The following MACROD2 variants were observed in gnomAD, a reference collection of about 807,000 sequenced individuals.
MACROD2 encodes the protein mono-ADP ribosylhydrolase 2.
Under a neutral mutation model 70.4 loss-of-function variants are expected in MACROD2, and 36 were observed. The observed-to-expected ratio is 0.51, with a 90% CI of 0.39 to 0.68. The LOEUF (loss-of-function observed/expected upper bound fraction) is 0.68. Ranked by LOEUF, MACROD2 falls within the 30% of genes least tolerant of loss-of-function variation. The pLI is 0.00. For synonymous variants in MACROD2, 172 were observed against 178.8 expected (o/e 0.96, Z 0.30); for missense variants, 496 against 538.4 (o/e 0.92, Z 0.78).
At chr20:14,963,595 T>C (rs947905207) in intron 5 of MACROD2, among the ~76,000 whole-genome samples, 1 of 152,034 alleles carries the variant, frequency 6.6e-6, no homozygotes, top group East Asian at 1.9e-4. Flanking sequence ...TCCCTGCCGG[T>C]GGTGGGTTTT....
chr20:14,433,377 G>A (rs951259393), intron 3 of MACROD2, among the ~76,000 whole-genome samples: 3 of 152,098 alleles, frequency 2.0e-5, no homozygotes, highest in Non-Finnish European at 4.4e-5. Context: ...AGAAATGCAA[G>A]CCTTTTTATT....
At chr20:15,569,344 T>C (rs1335866043) in intron 8 of MACROD2, among the ~76,000 whole-genome samples, 2 of 152,244 alleles carry the variant, frequency 1.3e-5, no homozygotes, top group Non-Finnish European at 2.9e-5. Context: ...ATATAAATGC[T>C]GTGGAAGGAC....
chr20:15,213,341 T>G (rs2076780304), intron 5 of MACROD2, among the ~76,000 whole-genome samples: 1 of 152,128 alleles, frequency 6.6e-6, no homozygotes, highest in Non-Finnish European at 1.5e-5. Context: ...CTGTTATATT[T>G]TCTTCTTTGG....
chr20:14,345,736 T>C (rs1032598413), intron 3 of MACROD2, among the ~76,000 whole-genome samples: 1 of 151,916 alleles, frequency 6.6e-6, no homozygotes, highest in Non-Finnish European at 1.5e-5. Context: ...GGCCTGAAGA[T>C]GATTTTTCTA....
At chr20:14,202,904 C>G (rs952900508) in intron 3 of MACROD2, among the ~76,000 whole-genome samples, 1 of 152,052 alleles carries the variant, frequency 6.6e-6, no homozygotes, top group Admixed American at 6.6e-5. Flanking sequence ...CAAAATTACC[C>G]GGATGTGGTG....
intron 4 of MACROD2, among the ~76,000 whole-genome samples, chr20:14,605,235 C>T (rs1171963978): frequency 6.6e-6 from 1 of 152,124 alleles, no homozygotes; most frequent in Admixed American, 6.6e-5. Context: ...GAGTCTGAAA[C>T]CAAGGTGTTG....
chr20:15,474,742 G>A (rs34635759), intron 7 of MACROD2, among the ~76,000 whole-genome samples: 7 of 152,274 alleles, frequency 4.6e-5, no homozygotes, highest in African/African-American at 2.4e-5. Flanking sequence ...AAAGTAGTTC[G>A]TTCTTAGGGG....
intron 3 of MACROD2, among the ~76,000 whole-genome samples, chr20:14,444,239 A>T (rs1306606737): frequency 4.6e-5 from 7 of 152,192 alleles, no homozygotes; most frequent in African/African-American, 1.4e-4. Context: ...TGTCAGGGAG[A>T]ATTATAAAAT....
At chr20:15,364,796 G>A (rs1160746314) in intron 6 of MACROD2, among the ~76,000 whole-genome samples, 1 of 152,210 alleles carries the variant, frequency 6.6e-6, no homozygotes, top group Non-Finnish European at 1.5e-5. Flanking sequence ...CCCCTACTGG[G>A]ATCCTTCTAT....
chr20:14,063,150 T>TG (rs2053709226), intron 2 of MACROD2, among the ~76,000 whole-genome samples: 1 of 152,192 alleles, frequency 6.6e-6, no homozygotes, highest in Admixed American at 6.5e-5. Flanking sequence ...ATGGCTTAAA[T>TG]GGCTTTCAAA....
intron 3 of MACROD2, among the ~76,000 whole-genome samples, chr20:14,242,234 T>A (rs2081935786): frequency 6.6e-6 from 1 of 152,176 alleles, no homozygotes; most frequent in African/African-American, 2.4e-5. Flanking sequence ...ATAACAATTT[T>A]TTGTTTTTAT....
chr20:14,836,541 G>T (rs191248989), intron 5 of MACROD2, among the ~76,000 whole-genome samples: 6 of 152,080 alleles, frequency 3.9e-5, no homozygotes, highest in Non-Finnish European at 7.4e-5. Context: ...CTTTAAAGTA[G>T]GAATCCTCCA....
intron 3 of MACROD2, among the ~76,000 whole-genome samples, chr20:14,485,251 A>G (rs1337236127): frequency 6.6e-6 from 1 of 152,204 alleles, no homozygotes; most frequent in Non-Finnish European, 1.5e-5. Flanking sequence ...CCCATCAGTA[A>G]TGGGAGTAGT....
At chr20:15,477,415 AT>A (rs967621600) in intron 7 of MACROD2, among the ~76,000 whole-genome samples, 1 of 151,988 alleles carries the variant, frequency 6.6e-6, no homozygotes, top group East Asian at 1.9e-4. Context: ...TTTAAATCAG[AT>A]TTTTAATGAG....
At chr20:15,806,732 C>G (rs1194802772) in intron 8 of MACROD2, among the ~76,000 whole-genome samples, 1 of 151,908 alleles carries the variant, frequency 6.6e-6, no homozygotes, top group Non-Finnish European at 1.5e-5. Flanking sequence ...GGCATTCAGC[C>G]TTAAAATGAT....
chr20:15,382,494 G>A (rs766835844), intron 6 of MACROD2, among the ~76,000 whole-genome samples: 4 of 152,140 alleles, frequency 2.6e-5, no homozygotes, highest in South Asian at 4.1e-4. Flanking sequence ...GTACATAGGA[G>A]ACACCCAGTA....
chr20:15,923,096 A>G (rs1400222304), intron 10 of MACROD2, among the ~76,000 whole-genome samples: 3 of 152,250 alleles, frequency 2.0e-5, no homozygotes, highest in Admixed American at 6.5e-5. Flanking sequence ...GTAATTAACA[A>G]AAATAAATCG....
chr20:15,056,006 C>G (rs920293779), intron 5 of MACROD2, among the ~76,000 whole-genome samples: 1 of 151,876 alleles, frequency 6.6e-6, no homozygotes, highest in Non-Finnish European at 1.5e-5. Context: ...AGGCTGGTCT[C>G]GAACTCCTGA....
At chr20:15,168,194 T>TG (rs2076398419) in intron 5 of MACROD2, among the ~76,000 whole-genome samples, 1 of 152,088 alleles carries the variant, frequency 6.6e-6, no homozygotes, top group South Asian at 2.1e-4. Flanking sequence ...CGTGATGTGG[T>TG]GGAGCGATCA....
Sources: gnomAD v4.1 joint callset for allele counts (sites outside exome capture counted in the v4.1 genomes callset) on GRCh38, gnomAD v4.1.1 for gene constraint, MANE v1.5 for transcripts, NCBI Gene and HGNC (gene_info 2026-07-23, HGNC 2026-07-21) for gene names.